Variants in TYW1B observed in about 807,000 individuals in gnomAD.
The protein encoded by TYW1B is tRNA-yW synthesizing protein 1 homolog B.
Under a neutral mutation model 86.9 loss-of-function variants are expected in TYW1B, and 73 were observed. The observed-to-expected ratio is 0.84, with a 90% CI of 0.70 to 1.02. The LOEUF is 1.02. TYW1B is among the 50% of genes least tolerant of loss of function. TYW1B has a pLI of 0.00. For synonymous variants in TYW1B, 248 were observed against 292.8 expected (o/e 0.85, Z 1.56); for missense variants, 637 against 827.4 (o/e 0.77, Z 2.82).
chr7:72,698,146 G>A (rs527957518), intron 10 of TYW1B, among the ~76,000 whole-genome samples: 1 of 152,122 alleles, frequency 6.6e-6, no homozygotes, highest in East Asian at 1.9e-4. Flanking sequence ...AATAGCTCAG[G>A]AGGAAGAGAG....
intron 6 of TYW1B, among the ~76,000 whole-genome samples, chr7:72,793,338 A>G (rs1585987849): frequency 6.6e-6 from 1 of 151,922 alleles, no homozygotes; most frequent in East Asian, 1.9e-4. Context: ...CTCCATCTCA[A>G]AAAAAAATAA....
intron 11 of TYW1B, among the ~76,000 whole-genome samples, chr7:72,664,671 A>T (rs1406791821): frequency 6.6e-6 from 1 of 152,168 alleles, no homozygotes; most frequent in Non-Finnish European, 1.5e-5. Flanking sequence ...TACCTGGATG[A>T]TGAGATAATC....
chr7:72,575,273 T>C lies in TYW1B; in HGVS notation c.*225A>G, dbSNP rs1400941314. 7.3e-7 allele frequency: 1 copy of C among 1,369,934 alleles called. No individual in the cohort carries two copies. The highest frequency in any genetic ancestry group is 9.4e-7 in the Non-Finnish European group (1 of 1,060,310). 84.9% of individuals were successfully genotyped at this position (1,369,934 alleles called of 1,614,324 possible). ...CCCAAAATAATTTTCCTCTTAGAAG[T>C]AAAATCAGGAAAGGGGCTGAGTTCT... is the stretch of plus-strand genomic sequence containing the variant. On this transcript the variant is annotated 3_prime_UTR_variant, in exon 14 of 14. Coordinates refer to ENST00000620995, the MANE Select transcript of TYW1B (RefSeq NM_001145440.3).
chr7:72,703,149 C>T (rs1235839764), intron 10 of TYW1B, among the ~76,000 whole-genome samples: 3 of 151,084 alleles, frequency 2.0e-5, no homozygotes, highest in Admixed American at 6.6e-5. Flanking sequence ...CTCAGCCTCC[C>T]GAGTAGCTGG....
At chr7:72,643,766 G>A (rs1166492661) in intron 11 of TYW1B, among the ~76,000 whole-genome samples, 3 of 152,044 alleles carry the variant, frequency 2.0e-5, no homozygotes, top group African/African-American at 7.2e-5. Context: ...AAGTCTTAAA[G>A]AAAACACAAC....
intron 11 of TYW1B, among the ~76,000 whole-genome samples, chr7:72,668,297 C>A (rs1446078498): frequency 2.6e-5 from 4 of 152,234 alleles, no homozygotes; most frequent in Admixed American, 2.0e-4. Context: ...GTTTTTAAGT[C>A]AAAAAAGTAG....
intron 7 of TYW1B, among the ~76,000 whole-genome samples, chr7:72,766,390 G>A (rs1213806349): frequency 6.6e-6 from 1 of 152,016 alleles, no homozygotes; most frequent in East Asian, 1.9e-4. Context: ...AAGGCGGGTG[G>A]ATCACTTGAG....
chr7:72,658,399 G>A (rs2129569388), intron 11 of TYW1B, among the ~76,000 whole-genome samples: 1 of 152,244 alleles, frequency 6.6e-6, no homozygotes, highest in Middle Eastern at 3.4e-3. Context: ...AAAGCAACTT[G>A]TAGGCAGTAT....
chr7:72,772,248 G>C (rs1787881158), intron 7 of TYW1B, among the ~76,000 whole-genome samples: 1 of 152,100 alleles, frequency 6.6e-6, no homozygotes, highest in African/African-American at 2.4e-5. Flanking sequence ...TCTAAAAGAT[G>C]TAAGCAACAC....
At chr7:72,602,647 T>A (rs1209280198) in intron 13 of TYW1B, among the ~76,000 whole-genome samples, 103 of 152,144 alleles carry the variant, frequency 6.8e-4, no homozygotes, top group Non-Finnish European at 7.4e-5. Context: ...AACACGTGGC[T>A]GACTGACAGC....
intron 11 of TYW1B, among the ~76,000 whole-genome samples, chr7:72,635,190 A>G (rs528560991): frequency 2.8e-4 from 43 of 152,316 alleles, no homozygotes; most frequent in Non-Finnish European, 1.2e-4. Context: ...CTTATTTAAC[A>G]TATGGATAGT....
At chr7:72,715,915 C>T (rs576738462) in intron 9 of TYW1B, among the ~76,000 whole-genome samples, 1 of 152,054 alleles carries the variant, frequency 6.6e-6, no homozygotes, top group South Asian at 2.1e-4. Context: ...TCCTATTGGA[C>T]ATCTTTGTTT....
chr7:72,727,669 C>T (rs544734839), intron 9 of TYW1B, among the ~76,000 whole-genome samples: 1 of 151,794 alleles, frequency 6.6e-6, no homozygotes, highest in Non-Finnish European at 1.5e-5. Flanking sequence ...ATTAGCCAGG[C>T]GTGGTGGCCA....
In TYW1B at chr7:72,710,114, T is replaced by C. The variant is rs140178050; in HGVS notation, c.1370+3507A>G. Among the ~76,000 whole-genome samples the C allele has an allele frequency of 7.0e-3, 1,062 of 152,318 alleles. 10 individuals are homozygous for C. Among genetic ancestry groups the C allele is most frequent in the African/African-American group, 0.023 (967 of 41,582 alleles). On this transcript the variant is annotated intron_variant, in intron 10 of 13. Coordinates refer to ENST00000620995, the MANE Select transcript of TYW1B (RefSeq NM_001145440.3). ...ATACTCTATAATTTTCCTCAATCCA[T>C]GATGGCATTCCCAGACAATTCCATT...
intron 7 of TYW1B, among the ~76,000 whole-genome samples, chr7:72,771,191 G>C (rs782706536): frequency 6.6e-6 from 1 of 152,048 alleles, no homozygotes; most frequent in Non-Finnish European, 1.5e-5. Context: ...TCGAACTCCC[G>C]ACCTCAAATG....
intron 11 of TYW1B, among the ~76,000 whole-genome samples, chr7:72,635,329 T>G (rs1415350311): frequency 6.6e-6 from 1 of 152,190 alleles, no homozygotes; most frequent in Non-Finnish European, 1.5e-5. Context: ...TACTGTTGCT[T>G]TACACTAAGA....
chr7:72,623,093 A>G (rs577799531), intron 12 of TYW1B, among the ~76,000 whole-genome samples: 2 of 152,340 alleles, frequency 1.3e-5, no homozygotes, highest in African/African-American at 4.8e-5. Context: ...TGAGAAAAAG[A>G]AGTTGAATTG....
intron 11 of TYW1B, among the ~76,000 whole-genome samples, chr7:72,652,595 A>T (rs1813091344): frequency 6.6e-6 from 1 of 152,066 alleles, no homozygotes; most frequent in Non-Finnish European, 1.5e-5. Context: ...AACAGGAAAA[A>T]TGCCTTTGGA....
chr7:72,644,636 C>T (rs1314847288), intron 11 of TYW1B, among the ~76,000 whole-genome samples: 2 of 151,908 alleles, frequency 1.3e-5, no homozygotes, highest in African/African-American at 4.8e-5. Flanking sequence ...ACTGACACTG[C>T]AGAACAGGGC....
Sources: gnomAD v4.1 joint callset for allele counts (sites outside exome capture counted in the v4.1 genomes callset) on GRCh38, gnomAD v4.1.1 for gene constraint, MANE v1.5 for transcripts, NCBI Gene and HGNC (gene_info 2026-07-23, HGNC 2026-07-21) for gene names.